Variants in CHN2 observed in about 807,000 individuals in gnomAD.
CHN2 encodes the protein chimerin 2, also known as beta-chimaerin.
In CHN2, 35 loss-of-function variants were observed where a neutral mutation model predicts 56.3. The observed-to-expected ratio is 0.62, with a 90% CI of 0.47 to 0.82. The LOEUF (loss-of-function observed/expected upper bound fraction) is 0.82, where lower values mean the gene tolerates loss of function less well. Ranked by LOEUF, CHN2 falls within the 40% of genes least tolerant of loss-of-function variation. The probability of loss-of-function intolerance (pLI) is 0.00; values close to 1 mark genes in which losing one functional copy is unlikely to be tolerated. For missense variants in CHN2, 491 were observed against 580.5 expected (o/e 0.85, Z 1.58); for synonymous variants, 210 against 212.8 (o/e 0.99, Z 0.12).
rs115842301 is a variant in CHN2, at chr7:29,182,058, C to T, written c.274+35098C>T. 7.7e-3 allele frequency among the ~76,000 whole-genome samples: 1,174 copies of T among 152,268 alleles called. 20 individuals are homozygous for T. The highest frequency in any genetic ancestry group is 0.026 in the African/African-American group (1,094 of 41,558). On this transcript the variant is annotated intron_variant, in intron 2 of 6. Transcript: ENST00000439384. Reference sequence around the variant, plus strand: ...AATTATAACTATTTCTTTCAGTGCTCTGAAAGATGGAATATTTTTTAAAAA... The same window carrying T: ...AATTATAACTATTTCTTTCAGTGCTTTGAAAGATGGAATATTTTTTAAAAA...
At chr7:29,510,453 T>G (rs566821277) in intron 12 of CHN2, among the ~76,000 whole-genome samples, 1 of 152,180 alleles carries the variant, frequency 6.6e-6, no homozygotes, top group East Asian at 1.9e-4. Context: ...ACAAAAAAAT[T>G]CACTCCTGAA....
chr7:29,432,793 A>G (rs568117149), intron 6 of CHN2, among the ~76,000 whole-genome samples: 84 of 152,252 alleles, frequency 5.5e-4, no homozygotes, highest in African/African-American at 2.0e-3. Flanking sequence ...TGTTTTGTTC[A>G]TCGTTAGGGT....
chr7:29,419,350 C>G (rs1804095842), intron 6 of CHN2, among the ~76,000 whole-genome samples: 2 of 152,226 alleles, frequency 1.3e-5, no homozygotes, highest in South Asian at 4.2e-4. Flanking sequence ...TATTAACTAC[C>G]TACACATAAG....
chr7:29,461,377 A>C (rs1190570146), intron 6 of CHN2, among the ~76,000 whole-genome samples: 1 of 152,218 alleles, frequency 6.6e-6, no homozygotes, highest in South Asian at 2.1e-4. Flanking sequence ...AAGAAGGATG[A>C]TATCAGATGA....
intron 2 of CHN2, among the ~76,000 whole-genome samples, chr7:29,189,411 A>G (rs1310450884): frequency 1.3e-5 from 2 of 152,184 alleles, no homozygotes; most frequent in African/African-American, 4.8e-5. Flanking sequence ...ATTTTCATAG[A>G]AAAAGAGCAT....
At chr7:29,278,759 C>T (rs551405738) in intron 1 of CHN2, among the ~76,000 whole-genome samples, 6 of 152,318 alleles carry the variant, frequency 3.9e-5, no homozygotes, top group South Asian at 4.1e-4. Flanking sequence ...GGCCATGAAC[C>T]GCCACCTGTT....
At chr7:29,325,185 C>CTAAT (rs1247033456) in intron 1 of CHN2, among the ~76,000 whole-genome samples, 1 of 152,190 alleles carries the variant, frequency 6.6e-6, no homozygotes, top group East Asian at 1.9e-4. Flanking sequence ...AGGCATTTGC[C>CTAAT]TAATTCCTTG....
intron 1 of CHN2, among the ~76,000 whole-genome samples, chr7:29,269,856 C>T (rs1790473237): frequency 6.6e-6 from 1 of 152,132 alleles, no homozygotes; most frequent in Non-Finnish European, 1.5e-5. Context: ...GACCGTGAAA[C>T]CTTCCCCTCA....
chr7:29,411,569 G>A (rs970832547), intron 6 of CHN2, among the ~76,000 whole-genome samples: 1 of 152,168 alleles, frequency 6.6e-6, no homozygotes, highest in African/African-American at 2.4e-5. Flanking sequence ...CGTGTCCCTG[G>A]CTAGGGTGGT....
chr7:29,419,328 T>A (rs1468331659), intron 6 of CHN2, among the ~76,000 whole-genome samples: 1 of 152,128 alleles, frequency 6.6e-6, no homozygotes, highest in African/African-American at 2.4e-5. Flanking sequence ...CCAAATACAC[T>A]AACATTAAAT....
intron 2 of CHN2, among the ~76,000 whole-genome samples, chr7:29,189,452 A>T (rs893004915): frequency 6.6e-6 from 1 of 152,138 alleles, no homozygotes; most frequent in Non-Finnish European, 1.5e-5. Context: ...AGAAGACACG[A>T]AAAACAAACT....
At chr7:29,305,805 T>TTCCTCCTAGTCTTTCTCCTCCTCC in intron 1 of CHN2, among the ~76,000 whole-genome samples, 1 of 130,710 alleles carries the variant, frequency 7.7e-6, no homozygotes, top group Admixed American at 7.5e-5. Context: ...CTCCCGTTCC[T>TTCCTCCTAGTCTTTCTCCTCCTCC]TCCTCCTCGT....
At chr7:29,323,993 GACC>G (rs1037531680) in intron 1 of CHN2, among the ~76,000 whole-genome samples, 1 of 151,068 alleles carries the variant, frequency 6.6e-6, no homozygotes, top group South Asian at 2.1e-4. Flanking sequence ...GACAGAGCGA[GACC>G]CCGTCTCAAA....
chr7:29,153,832 AG>A (rs1401693260), intron 2 of CHN2, among the ~76,000 whole-genome samples: 2 of 152,172 alleles, frequency 1.3e-5, no homozygotes, highest in Non-Finnish European at 2.9e-5. Context: ...GGCCTCTCTA[AG>A]TGCTGGGATT....
At chr7:29,409,103 T>G (rs952802218) in intron 6 of CHN2, among the ~76,000 whole-genome samples, 12 of 152,210 alleles carry the variant, frequency 7.9e-5, no homozygotes, top group African/African-American at 2.9e-4. Flanking sequence ...ACACAGTGGC[T>G]TGGGGTGTCT....
chr7:29,428,144 A>G (rs1158845177), intron 6 of CHN2, among the ~76,000 whole-genome samples: 1 of 152,190 alleles, frequency 6.6e-6, no homozygotes, highest in Non-Finnish European at 1.5e-5. Context: ...TCTCTGCCTC[A>G]GTTTCCTCAT....
intron 3 of CHN2, among the ~76,000 whole-genome samples, chr7:29,375,127 T>C (rs1199564005): frequency 6.7e-6 from 1 of 149,224 alleles, no homozygotes; most frequent in Non-Finnish European, 1.5e-5. Flanking sequence ...TGACCTCAGG[T>C]GATCCACCCG....
chr7:29,373,257 ATC>A (rs1253397713), intron 3 of CHN2, among the ~76,000 whole-genome samples: 1 of 151,434 alleles, frequency 6.6e-6, no homozygotes, highest in African/African-American at 2.4e-5. Context: ...ACTCACCGCA[ATC>A]TCTGCTTCCC....
intron 1 of CHN2, among the ~76,000 whole-genome samples, chr7:29,228,983 T>C (rs1388150956): frequency 6.6e-6 from 1 of 152,210 alleles, no homozygotes; most frequent in Non-Finnish European, 1.5e-5. Context: ...CATGCTCTCC[T>C]TTCTGGTCCA....
Sources: allele counts gnomAD v4.1 joint callset (sites outside exome capture counted in the v4.1 genomes callset), GRCh38; gene constraint gnomAD v4.1.1; transcripts MANE v1.5; gene names NCBI Gene and HGNC (gene_info 2026-07-23, HGNC 2026-07-21).